The following SLC15A2 variants were observed in gnomAD, a reference collection of about 807,000 sequenced individuals.
The protein encoded by SLC15A2 is kidney H(+)/peptide cotransporter.
SLC15A2 carries 77 observed loss-of-function variants against 95.5 expected under a neutral mutation model. The observed-to-expected ratio is 0.81, with a 90% confidence interval of 0.67 to 0.97. The LOEUF is 0.97. SLC15A2 is among the 50% of genes least tolerant of loss of function. The pLI, the probability that SLC15A2 is intolerant of heterozygous loss-of-function variation, is 0.00. For synonymous variants in SLC15A2, 306 were observed against 306.9 expected, an observed-to-expected ratio of 1.00 and a Z score of 0.03; for missense variants, 893 against 874.4, an observed-to-expected ratio of 1.02 and a Z score of -0.27.
chr3:121,924,440 C>A, intron 12 of SLC15A2, 57 bp downstream of exon 12: 3 of 1,406,942 alleles, frequency 2.1e-6, no homozygotes, highest in Middle Eastern at 1.8e-4. Context: ...TATGCCTCCA[C>A]CTGCAGTATT....
At position 121,927,802 on chromosome 3, in the gene SLC15A2, C is replaced by T. The variant is rs1308251249; in HGVS notation, c.1169C>T (p.Ala390Val). 1 of 1,613,786 alleles carries T rather than the reference C, an allele frequency of 6.2e-7. No homozygotes were observed. The highest frequency in any genetic ancestry group is 8.5e-7 in the Non-Finnish European group (1 of 1,179,798). Residue 390 changes from alanine (A) to valine (V), a missense_variant, in exon 14 of 22, where the codon GCA (alanine) becomes GTA (valine). Ala to Val is a moderately conservative substitution (Grantham distance 64). Coordinates refer to ENST00000489711, the MANE Select transcript of SLC15A2 (RefSeq NM_021082.4). ...GTTGGTATGATCCTAGCATGCCTGG[C>T]ATTTGCAGTTGCGGCAGCTGTAGAG... is the stretch of plus-strand genomic sequence containing the variant. ...MAVGMILACL[A>V]FAVAAAVEIK...
chr3:121,925,315 G>A (rs1710093589), intron 13 of SLC15A2, among the ~76,000 whole-genome samples: 1 of 152,088 alleles, frequency 6.6e-6, no homozygotes, highest in Admixed American at 6.5e-5. Flanking sequence ...GTGAAATTTA[G>A]CTCCTAAACC....
At position 121,940,617 on chromosome 3, in the gene SLC15A2, A is replaced by T. The variant is rs751569016; in HGVS notation, c.2013+129A>T. On this transcript the variant is annotated intron_variant, in intron 21 of 21. Transcript: ENST00000489711. ...TGCTGTGACATGAAATGGGTTAGAT[A>T]TACAGACTTTACCAGGAAAATAGAC... 3.4e-6 allele frequency: 3 copies of T among 870,850 alleles called. No individual in the cohort carries two copies. In the African/African-American group the frequency reaches 5.0e-5, roughly 15 times the overall value. 53.9% of individuals were successfully genotyped at this position (870,850 alleles called of 1,614,324 possible). A position where few individuals can be genotyped will look rare whatever the true frequency, so the allele number is the denominator to read the frequency against.
rs1292193234 is a variant in SLC15A2 at position 121,939,459 on chromosome 3, G to C, written c.1872G>C (p.Met624Ile). 2.0e-6 allele frequency: 3 copies of C among 1,537,514 alleles called. No individual in the cohort carries two copies. Among genetic ancestry groups the C allele is most frequent in the African/African-American group, 2.8e-5 (2 of 70,956 alleles). ...CCCTGGTTACAGCTGGGGAGGTCAT[G>C]TTCTCTGTCACAGGTCTTGAGTTTT... The part of the protein sequence containing the change: ...QYALVTAGEV[M>I]FSVTGLEFSY... The change falls in exon 20 of 22, where the codon ATG becomes ATC. Residue 624 changes from methionine (M) to isoleucine (I), a missense_variant. Met to Ile is a conservative substitution (Grantham distance 10). Transcript: ENST00000489711.
intron 3 of SLC15A2, among the ~76,000 whole-genome samples, chr3:121,904,610 A>C (rs529426102): frequency 1.3e-5 from 2 of 152,146 alleles, no homozygotes; most frequent in South Asian, 2.1e-4. Flanking sequence ...TGAGATAATC[A>C]TGTGGTTTTT....
rs1710483711 is a variant in SLC15A2 at position 121,942,641 on chromosome 3, G to C, written c.*1634G>C. ...ATGTGAACCTGACCCTACTCCTTTA[G>C]AAGACAGCCTGTTCATTTTTAAATA... On this transcript the variant is annotated 3_prime_UTR_variant, in exon 22 of 22. Coordinates refer to ENST00000489711, the MANE Select transcript of SLC15A2 (RefSeq NM_021082.4). 1 of 152,140 alleles carries C rather than the reference G, an allele frequency of 6.6e-6. No homozygotes were observed. The highest frequency in any genetic ancestry group is 1.5e-5 in the Non-Finnish European group (1 of 68,024). The allele number at this position is 152,140 out of a possible 1,614,324, so 9.4% of individuals were successfully genotyped here. A position where few individuals can be genotyped will look rare whatever the true frequency, so the allele number is the denominator to read the frequency against.
At chr3:121,919,177 G>A (rs1709956107) in intron 7 of SLC15A2, among the ~76,000 whole-genome samples, 1 of 152,234 alleles carries the variant, frequency 6.6e-6, no homozygotes, top group Admixed American at 6.5e-5. Context: ...ACGAGCAGGA[G>A]CATGTTACAA....
chr3:121,933,002 A>G (rs1245554195), intron 19 of SLC15A2, among the ~76,000 whole-genome samples: 1 of 151,202 alleles, frequency 6.6e-6, no homozygotes, highest in Non-Finnish European at 1.5e-5. Context: ...ATGAGTGAGA[A>G]TATGCGGTGT....
At position 121,894,583 on chromosome 3, in the gene SLC15A2, T is replaced by G. The variant is rs1353474571; in HGVS notation, c.105+2T>G. The G allele has an allele frequency of 6.8e-6, 11 of 1,611,200 alleles. No homozygotes were observed. Among genetic ancestry groups the G allele is most frequent in the Non-Finnish European group, 9.3e-6 (11 of 1,177,454 alleles). ...AGCCCTCCAAAGAAGCCATCTCCGG[T>G]GAGTCCTTAGATTCAATCCTGCCTC... On this transcript the variant is annotated splice_donor_variant, in intron 1 of 21. Coordinates refer to ENST00000489711, the MANE Select transcript of SLC15A2 (RefSeq NM_021082.4). LOFTEE classifies it high-confidence loss of function.
At chr3:121,907,130 C>G (rs572831827) in intron 3 of SLC15A2, among the ~76,000 whole-genome samples, 1 of 152,246 alleles carries the variant, frequency 6.6e-6, no homozygotes, top group South Asian at 2.1e-4. Flanking sequence ...CTTTTTTCCA[C>G]TTGATTGAAT....
At position 121,940,387 on chromosome 3, in the gene SLC15A2, C is replaced by T. The variant is rs775409002; in HGVS notation, c.1912C>T (p.Pro638Ser). Residue 638 changes from proline (P) to serine (S), a missense_variant, in exon 21 of 22, where the codon CCC becomes TCC. Physicochemically the swap from Pro to Ser is moderately conservative, Grantham distance 74 (BLOSUM62 -1). Coordinates refer to ENST00000489711, the MANE Select transcript of SLC15A2 (RefSeq NM_021082.4). ...TTCAAACTTGTGTCATCCCCAGGCTCCCTCTAGCATGAAATCTGTGCTCCA... is the reference window on the plus strand; with the variant it reads ...TTCAAACTTGTGTCATCCCCAGGCTTCCTCTAGCATGAAATCTGTGCTCCA... ...TGLEFSYSQA[P>S]SSMKSVLQAA... 1.2e-6 allele frequency: 2 copies of T among 1,613,374 alleles called. No homozygotes were observed. The highest frequency in any genetic ancestry group is 1.1e-5 in the South Asian group (1 of 91,030).
chr3:121,929,475 T>C (rs1210294712), intron 17 of SLC15A2, 127 bp downstream of exon 17: 1 of 945,694 alleles, frequency 1.1e-6, no homozygotes, highest in Non-Finnish European at 1.6e-6. Flanking sequence ...GGGGCACTGG[T>C]GTCAAAAGGC....
At position 121,925,765 on chromosome 3, in the gene SLC15A2, TATATATATATATATATAA is replaced by T. The variant is rs1263687553; in HGVS notation, c.1124+734_1124+751del. On this transcript the variant is annotated intron_variant, in intron 13 of 21. Coordinates refer to ENST00000489711, the MANE Select transcript of SLC15A2 (RefSeq NM_021082.4). ...ATATATATATATATATATATATATA[TATATATATATATATATAA>T]AATACAACTACTACACAGGTAAAAT... Among the ~76,000 whole-genome samples, 73 of 89,272 alleles carry T rather than the reference TATATATATATATATATAA, an allele frequency of 8.2e-4. 3 individuals are homozygous for T. The highest frequency in any genetic ancestry group is 2.6e-3 in the East Asian group (7 of 2,708). 58.6% of individuals were successfully genotyped at this position (89,272 alleles called of 152,430 possible).
chr3:121,925,313 T>C (rs1187273399), intron 13 of SLC15A2, among the ~76,000 whole-genome samples: 1 of 152,114 alleles, frequency 6.6e-6, no homozygotes, highest in African/African-American at 2.4e-5. Flanking sequence ...ATGTGAAATT[T>C]AGCTCCTAAA....
At chr3:121,935,098 A>G (rs28861465) in intron 19 of SLC15A2, among the ~76,000 whole-genome samples, 31,836 of 152,160 alleles carry the variant, frequency 0.21, 4,357 homozygotes, top group Admixed American at 0.36. Context: ...CCAGCCTTGC[A>G]TCCCAGGGAT....
intron 15 of SLC15A2, 66 bp from the exon 16 acceptor site, chr3:121,928,916 C>T: frequency 2.6e-6 from 4 of 1,541,708 alleles, no homozygotes; most frequent in Non-Finnish European, 3.5e-6. Context: ...TGAGATGCTA[C>T]ATCGTGATGT....
At chr3:121,913,304 G>C (rs967628497) in intron 5 of SLC15A2, among the ~76,000 whole-genome samples, 184 bp downstream of exon 5, 2 of 152,180 alleles carry the variant, frequency 1.3e-5, no homozygotes, top group African/African-American at 4.8e-5. Context: ...AAAGGAAAGA[G>C]ACCAGGGTGG....
chr3:121,931,600 C>A (rs1474537702), intron 18 of SLC15A2, 39 bp from the exon 19 acceptor site: 1 of 1,355,444 alleles, frequency 7.4e-7, no homozygotes, highest in East Asian at 2.3e-5. Context: ...CTTTTCCAAG[C>A]CTTGATATTT....
chr3:121,922,889 T>C (rs746152093), intron 9 of SLC15A2, 28 bp downstream of exon 9: 3 of 1,590,016 alleles, frequency 1.9e-6, no homozygotes, highest in South Asian at 1.1e-5. Context: ...AAACATCTTA[T>C]GGCTTGATAG....
Sources: gnomAD v4.1 joint callset for allele counts (sites outside exome capture counted in the v4.1 genomes callset) on GRCh38, gnomAD v4.1.1 for gene constraint, MANE v1.5 for transcripts, NCBI Gene and HGNC (gene_info 2026-07-23, HGNC 2026-07-21) for gene names.